APOBEC3D: variants seen among roughly 807,000 people sequenced by gnomAD.
APOBEC3D encodes the protein DNA dC->dU-editing enzyme APOBEC-3D.
A neutral mutation model predicts 45.6 loss-of-function variants in APOBEC3D; 37 were observed. That is an observed-to-expected ratio of 0.81 (90% confidence interval 0.62 to 1.07). The LOEUF is 1.07. Among genes scored for constraint, APOBEC3D ranks in the 50% least tolerant of loss-of-function variants. The probability of loss-of-function intolerance (pLI) is 0.00; values close to 1 mark genes in which losing one functional copy is unlikely to be tolerated. For missense variants in APOBEC3D, 496 were observed against 495.3 expected, an observed-to-expected ratio of 1.00 and a Z score of -0.01; for synonymous variants, 175 against 180.7, an observed-to-expected ratio of 0.97 and a Z score of 0.25.
At chr22:39,027,592 A>C (rs1412421826) in intron 4 of APOBEC3D, among the ~76,000 whole-genome samples, 2 of 152,166 alleles carry the variant, frequency 1.3e-5, no homozygotes, top group South Asian at 2.1e-4. Context: ...CCCAGGACTA[A>C]AATCAGGGCC....
chr22:39,021,471 A>G lies in APOBEC3D; in HGVS notation c.-49A>G. 1 of 1,613,870 alleles carries G rather than the reference A, an allele frequency of 6.2e-7. No homozygotes were observed. Among genetic ancestry groups the G allele is most frequent in the Non-Finnish European group, 8.5e-7 (1 of 1,179,798 alleles). On this transcript the variant is annotated 5_prime_UTR_variant, in exon 1 of 7. Transcript: ENST00000216099. The stretch of plus-strand genomic sequence containing the variant: ...CGCAAGCAGGAAGTGAAACCACAGC[A>G]CTTCAAAAAAAGAGGGAGACTGGGA...
chr22:39,031,805 C>G lies in APOBEC3D; in HGVS notation c.874C>G (p.Pro292Ala), dbSNP rs1380634825. ...YEVTWYTSWS[P>A]CPECAGEVAE... ...GGTCACCTGGTACACATCTTGGAGC[C>G]CTTGCCCAGAGTGTGCAGGGGAGGT... The change falls in exon 6 of 7, where the codon CCT becomes GCT. Residue 292 changes from proline (P) to alanine (A), a missense_variant. Coordinates refer to ENST00000216099, the MANE Select transcript of APOBEC3D (RefSeq NM_152426.4). 1 of 1,614,106 alleles carries G rather than the reference C, an allele frequency of 6.2e-7. No individual in the cohort carries two copies. Among genetic ancestry groups the G allele is most frequent in the Non-Finnish European group, 8.5e-7 (1 of 1,180,018 alleles).
rs1377285187 is a variant in APOBEC3D, at chr22:39,021,286, T to G, written c.-234T>G. The G allele has an allele frequency of 2.1e-6, 1 of 483,888 alleles. No individual in the cohort carries two copies. The highest frequency in any genetic ancestry group is 3.9e-6 in the Non-Finnish European group (1 of 259,346). 30.0% of individuals were successfully genotyped at this position (483,888 alleles called of 1,614,324 possible). A position where few individuals can be genotyped will look rare whatever the true frequency, so the allele number is the denominator to read the frequency against. On this transcript the variant is annotated 5_prime_UTR_variant, in exon 1 of 7. Transcript: ENST00000216099. ...CCACACCTGGCTAATTTTTGTATTT[T>G]TAGTAGAGACGGGGTTTCTCCATGT...
At chr22:39,026,515 G>C (rs937744801) in intron 4 of APOBEC3D, among the ~76,000 whole-genome samples, 1 of 152,192 alleles carries the variant, frequency 6.6e-6, no homozygotes, top group African/African-American at 2.4e-5. Flanking sequence ...GACCCAGGGG[G>C]CTTGGGTCAA....
At chr22:39,029,649 T>TG in intron 5 of APOBEC3D, 130 bp downstream of exon 5, 1 of 1,230,288 alleles carries the variant, frequency 8.1e-7, no homozygotes, top group Non-Finnish European at 1.1e-6. Context: ...TTCTTTTTTT[T>TG]TTTTTTAAGA....
Position 39,031,823 on chromosome 22 carries a change from G to A in APOBEC3D, c.892G>A (p.Gly298Arg), listed in dbSNP as rs761038501. The A allele has an allele frequency of 3.1e-6, 5 of 1,614,180 alleles. No homozygotes were observed. Among genetic ancestry groups the A allele is most frequent in the African/African-American group, 1.3e-5 (1 of 75,042 alleles). ...TTGGAGCCCTTGCCCAGAGTGTGCA[G>A]GGGAGGTGGCCGAGTTCCTGGCCAG... ...TSWSPCPECA[G>R]EVAEFLARHS... The change falls in exon 6 of 7, where the codon GGG becomes AGG. Residue 298 changes from glycine (G) to arginine (R), a missense_variant. Gly to Arg is a moderately radical substitution (Grantham distance 125). Coordinates refer to ENST00000216099, the MANE Select transcript of APOBEC3D (RefSeq NM_152426.4).
In APOBEC3D at chr22:39,022,859, G is replaced by A. The variant is rs371353731; in HGVS notation, c.55G>A (p.Asp19Asn). Residue 19 changes from aspartate (D) to asparagine (N), a missense_variant, in exon 2 of 7, where the codon GAC becomes AAC. Asp to Asn is a conservative substitution (Grantham distance 23). Transcript: ENST00000216099. ...MERMYRDTFY[D>N]NFENEPILYG... Reference sequence around the variant, plus strand: ...GCGGATGTATCGAGACACATTCTACGACAACTTTGAAAACGAACCCATCCT... The same window carrying A: ...GCGGATGTATCGAGACACATTCTACAACAACTTTGAAAACGAACCCATCCT... 67 of 1,611,668 alleles carry A rather than the reference G, an allele frequency of 4.2e-5. No individual in the cohort carries two copies. The East Asian group carries it at 8.5e-4, about 20-fold the overall frequency.
chr22:39,025,777 C>T (rs1925594710), intron 4 of APOBEC3D, 106 bp downstream of exon 4: 3 of 1,582,924 alleles, frequency 1.9e-6, no homozygotes, highest in East Asian at 2.2e-5. Flanking sequence ...TGCCCCCCTG[C>T]CTGCCCTCAT....
intron 1 of APOBEC3D, 107 bp from the exon 2 acceptor site, chr22:39,022,715 G>T (rs2146316576): frequency 1.4e-6 from 2 of 1,414,712 alleles, no homozygotes; most frequent in Admixed American, 4.7e-5. Context: ...GCTGTGGAGG[G>T]GTGGGGGAGG....
chr22:39,028,444 A>G (rs1925893624), intron 4 of APOBEC3D, among the ~76,000 whole-genome samples: 1 of 152,212 alleles, frequency 6.6e-6, no homozygotes, highest in South Asian at 2.1e-4. Flanking sequence ...CCTCTGTAAA[A>G]TAGGGATGGC....
At chr22:39,030,225 G>A (rs1926074820) in intron 5 of APOBEC3D, among the ~76,000 whole-genome samples, 1 of 147,938 alleles carries the variant, frequency 6.8e-6, no homozygotes, top group Non-Finnish European at 1.5e-5. Context: ...GTGAACCCTC[G>A]CTCCTCACCC....
chr22:39,021,623 C>T (rs1925118495), intron 1 of APOBEC3D, 87 bp downstream of exon 1: 2 of 1,577,424 alleles, frequency 1.3e-6, no homozygotes, highest in East Asian at 4.5e-5. Flanking sequence ...CTCCCCCTGC[C>T]CCAGCCCCAG....
chr22:39,028,526 G>A (rs1056380911), intron 4 of APOBEC3D, among the ~76,000 whole-genome samples: 4 of 152,218 alleles, frequency 2.6e-5, no homozygotes, highest in South Asian at 2.1e-4. Flanking sequence ...TGGACCGGCC[G>A]GGCTCAGTGG....
chr22:39,031,126 GT>G (rs1830602149), intron 5 of APOBEC3D, among the ~76,000 whole-genome samples: 1 of 151,896 alleles, frequency 6.6e-6, no homozygotes, highest in Non-Finnish European at 1.5e-5. Context: ...AGATCGTGCC[GT>G]TGCACTCCCG....
rs1212350454 is a variant in APOBEC3D at position 39,032,327 on chromosome 22, T to C, written c.*11T>C. ...GAGATTCTCCAGTGAGGGGTCTCCC[T>C]GGGCCTCATGGTCTGTCTCTTCTAG... On this transcript the variant is annotated 3_prime_UTR_variant, in exon 7 of 7. Transcript: ENST00000216099. The C allele has an allele frequency of 2.5e-6, 4 of 1,613,370 alleles. No individual in the cohort carries two copies. The highest frequency in any genetic ancestry group is 2.7e-5 in the African/African-American group (2 of 74,924).
chr22:39,028,802 G>T (rs573459732), intron 4 of APOBEC3D, among the ~76,000 whole-genome samples: 12 of 152,248 alleles, frequency 7.9e-5, no homozygotes, highest in African/African-American at 2.9e-4. Flanking sequence ...GGGCGTGGTG[G>T]CATGCACCTG....
At chr22:39,029,819 CAG>C (rs1926032563) in intron 5 of APOBEC3D, among the ~76,000 whole-genome samples, 1 of 152,012 alleles carries the variant, frequency 6.6e-6, no homozygotes, top group Non-Finnish European at 1.5e-5. Flanking sequence ...CCGTGGTGGC[CAG>C]GCTGGTTTCA....
chr22:39,027,846 C>A (rs1269950936), intron 4 of APOBEC3D, among the ~76,000 whole-genome samples: 1 of 152,188 alleles, frequency 6.6e-6, no homozygotes, highest in Non-Finnish European at 1.5e-5. Context: ...CCATCTCCCC[C>A]ACCTGCCCCA....
intron 2 of APOBEC3D, among the ~76,000 whole-genome samples, chr22:39,023,687 G>A (rs1349028098): frequency 1.3e-5 from 2 of 152,052 alleles, no homozygotes; most frequent in African/African-American, 4.8e-5. Flanking sequence ...GACCTCAGGT[G>A]ATCCACCCAA....
Sources: allele counts gnomAD v4.1 joint callset (sites outside exome capture counted in the v4.1 genomes callset), GRCh38; gene constraint gnomAD v4.1.1; transcripts MANE v1.5; gene names NCBI Gene and HGNC (gene_info 2026-07-23, HGNC 2026-07-21).